The following EPHB2 variants were observed in gnomAD, a reference collection of about 807,000 sequenced individuals.
EPHB2 encodes the protein ephrin type-B receptor 2.
A neutral mutation model predicts 96.4 loss-of-function variants in EPHB2; 18 were observed. The observed-to-expected ratio is 0.19, with a 90% CI of 0.13 to 0.28. The LOEUF (loss-of-function observed/expected upper bound fraction) is 0.28, where lower values mean the gene tolerates loss of function less well. Ranked by LOEUF, EPHB2 falls within the 10% of genes least tolerant of loss-of-function variation. EPHB2 has a pLI of 1.00. For missense variants in EPHB2, 989 were observed against 1,355.4 expected (o/e 0.73, Z 4.25); for synonymous variants, 506 against 534.1 (o/e 0.95, Z 0.72).
rs1208602656 is a variant in EPHB2 at position 22,858,651 on chromosome 1, T to C, written c.812-4386T>C. 6.6e-6 allele frequency among the ~76,000 whole-genome samples: 1 copy of C among 152,034 alleles called. No individual in the cohort carries two copies. Among genetic ancestry groups the C allele is most frequent in the Non-Finnish European group, 1.5e-5 (1 of 67,982 alleles). On this transcript the variant is annotated intron_variant, in intron 3 of 15. Coordinates refer to ENST00000374630, the MANE Select transcript of EPHB2 (RefSeq NM_017449.5). The surrounding 1 kb of genome is among the most constrained non-coding windows in gnomAD (Gnocchi z 7.7). ...GACAGGTTCCCTTCCCACCCAGAAG[T>C]TGGGAGTGGTGTGGCCCCCCGGGCA...
chr1:22,912,461 T>C lies in EPHB2; in HGVS notation c.2714T>C (p.Leu905Pro). Reference protein sequence around the residue: ...PLSSGINLPLLDRTIPDYTSF... With the variant: ...PLSSGINLPLPDRTIPDYTSF... ...AACCCCAGCATCAACCTGCCGCTGC[T>C]GGACCGCACGATCCCCGACTACACC... Residue 905 changes from leucine (L) to proline (P), a missense_variant, in exon 15 of 16, where the codon CTG (leucine) becomes CCG (proline). Coordinates refer to ENST00000374630, the MANE Select transcript of EPHB2 (RefSeq NM_017449.5). 6.2e-7 allele frequency: 1 copy of C among 1,614,078 alleles called. No individual in the cohort carries two copies. The highest frequency in any genetic ancestry group is 8.5e-7 in the Non-Finnish European group (1 of 1,180,020).
Position 22,914,196 on chromosome 1 carries a change from C to T in EPHB2, c.*626C>T. 1 of 259,918 alleles carries T rather than the reference C, an allele frequency of 3.8e-6. No homozygotes were observed. Among genetic ancestry groups the T allele is most frequent in the Non-Finnish European group, 7.3e-6 (1 of 136,494 alleles). The allele number at this position is 259,918 out of a possible 1,614,324, so 16.1% of individuals were successfully genotyped here. On this transcript the variant is annotated 3_prime_UTR_variant, in exon 16 of 16. Coordinates refer to ENST00000374630, the MANE Select transcript of EPHB2 (RefSeq NM_017449.5). Reference sequence around the variant, plus strand: ...ATTTTAGAAACTCCAATGAAAGACACTGTTTCTCCTGTTGGCTCACAGGGC... The same window carrying T: ...ATTTTAGAAACTCCAATGAAAGACATTGTTTCTCCTGTTGGCTCACAGGGC...
chr1:22,863,225 G>T, intron 4 of EPHB2, 33 bp downstream of exon 4: 1 of 1,613,844 alleles, frequency 6.2e-7, no homozygotes, highest in Non-Finnish European at 8.5e-7. Context: ...GGCGATGGCT[G>T]GCCGAGTCCC....
chr1:22,864,939 T>G lies in EPHB2; in HGVS notation c.1030T>G (p.Trp344Gly). Residue 344 changes from tryptophan to glycine, a missense_variant, in exon 5 of 16, where the codon TGG (tryptophan) becomes GGG (glycine). Physicochemically the swap from Trp to Gly is radical, Grantham distance 184. Coordinates refer to ENST00000374630, the MANE Select transcript of EPHB2 (RefSeq NM_017449.5). ...SVNETSLMLE[W>G]TPPRDSGGRE... Reference sequence around the variant, plus strand: ...CAATGAGACCTCCCTCATGCTGGAGTGGACCCCTCCCCGCGACTCCGGAGG... The same window carrying G: ...CAATGAGACCTCCCTCATGCTGGAGGGGACCCCTCCCCGCGACTCCGGAGG... 6.2e-7 allele frequency: 1 copy of G among 1,601,022 alleles called. No individual in the cohort carries two copies. The highest frequency in any genetic ancestry group is 8.5e-7 in the Non-Finnish European group (1 of 1,173,546).
chr1:22,888,775 T>C (rs1639303625), intron 6 of EPHB2, among the ~76,000 whole-genome samples: 1 of 138,390 alleles, frequency 7.2e-6, no homozygotes, highest in African/African-American at 2.5e-5. Context: ...TATTGTTCCA[T>C]TTATTTGGAA....
Position 22,858,888 on chromosome 1 carries a change from A to G in EPHB2, c.812-4149A>G, listed in dbSNP as rs565396290. On this transcript the variant is annotated intron_variant, in intron 3 of 15. Coordinates refer to ENST00000374630, the MANE Select transcript of EPHB2 (RefSeq NM_017449.5). This position sits in a 1 kb window ranked among gnomAD's most constrained non-coding sequence, Gnocchi z 7.7. ...CTTCCAGCCCCTCATTCATCCACCC[A>G]TCACCCACTAGAAACCCAGCATTAT... is the stretch of plus-strand genomic sequence containing the variant. 3.3e-5 allele frequency among the ~76,000 whole-genome samples: 5 copies of G among 152,288 alleles called. No homozygotes were observed. The East Asian group carries it at 9.6e-4, about 29-fold the overall frequency.
intron 3 of EPHB2, among the ~76,000 whole-genome samples, chr1:22,853,211 G>A (rs1645649863): frequency 6.6e-6 from 1 of 152,232 alleles, no homozygotes; most frequent in Non-Finnish European, 1.5e-5. Flanking sequence ...AAATTAGCCG[G>A]GTGTGGTGGC....
chr1:22,844,791 T>C, intron 3 of EPHB2, among the ~76,000 whole-genome samples: 1 of 152,168 alleles, frequency 6.6e-6, no homozygotes, highest in Non-Finnish European at 1.5e-5. Context: ...GCCAGCATCC[T>C]TGGGACCTTG....
chr1:22,887,670 A>G (rs376078934), intron 6 of EPHB2, among the ~76,000 whole-genome samples: 17 of 152,268 alleles, frequency 1.1e-4, no homozygotes, highest in African/African-American at 4.1e-4. Context: ...GCCCCAGGGG[A>G]GGTGGCCTCC....
chr1:22,820,968 A>G (rs183592917), intron 3 of EPHB2, among the ~76,000 whole-genome samples: 95 of 152,348 alleles, frequency 6.2e-4, no homozygotes, highest in African/African-American at 2.2e-3. Flanking sequence ...AACAGAAAAT[A>G]AAAATAATGG....
At chr1:22,817,386 G>A (rs1057352828) in intron 3 of EPHB2, among the ~76,000 whole-genome samples, 17 of 152,204 alleles carry the variant, frequency 1.1e-4, no homozygotes, top group Admixed American at 2.0e-4. Context: ...GTGACTCACC[G>A]AAGGTCACAC....
chr1:22,868,311 T>A (rs1459927067), intron 5 of EPHB2, among the ~76,000 whole-genome samples: 1 of 152,056 alleles, frequency 6.6e-6, no homozygotes, highest in Non-Finnish European at 1.5e-5. Flanking sequence ...AGCACTGGAT[T>A]AGGAGCAGAG....
At chr1:22,876,052 C>T (rs1638826027) in intron 5 of EPHB2, among the ~76,000 whole-genome samples, 1 of 152,078 alleles carries the variant, frequency 6.6e-6, no homozygotes, top group South Asian at 2.1e-4. Context: ...TTGTGGGCCA[C>T]AGTAGTGTGT....
At chr1:22,815,919 C>T (rs922126843) in intron 3 of EPHB2, among the ~76,000 whole-genome samples, 3 of 152,162 alleles carry the variant, frequency 2.0e-5, no homozygotes, top group Non-Finnish European at 2.9e-5. Context: ...CCATGTCCAT[C>T]GGGCATCTGC....
intron 7 of EPHB2, 76 bp downstream of exon 7, chr1:22,893,122 G>A (rs1350266762): frequency 8.1e-6 from 13 of 1,609,786 alleles, no homozygotes; most frequent in African/African-American, 6.7e-5. Context: ...CCATTCTCAT[G>A]AAGCACCTTT....
At chr1:22,740,369 G>A (rs552148948) in intron 1 of EPHB2, among the ~76,000 whole-genome samples, 120 of 152,262 alleles carry the variant, frequency 7.9e-4, no homozygotes, top group African/African-American at 2.6e-3. Context: ...CCCAATCAGG[G>A]TGTTTTCCAC....
At chr1:22,730,412 G>A (rs1643681985) in intron 1 of EPHB2, among the ~76,000 whole-genome samples, 1 of 152,192 alleles carries the variant, frequency 6.6e-6, no homozygotes, top group African/African-American at 2.4e-5. Flanking sequence ...ATGTGGCTGT[G>A]GACAAGTTGC....
chr1:22,805,599 G>A (rs970493160), intron 3 of EPHB2, among the ~76,000 whole-genome samples: 17 of 152,176 alleles, frequency 1.1e-4, no homozygotes, highest in Admixed American at 2.0e-4. Flanking sequence ...ATCAGAGACT[G>A]TGAGCAGCCA....
In EPHB2 at chr1:22,790,386, C is replaced by T. The variant is rs1322808809; in HGVS notation, c.811+5310C>T. On this transcript the variant is annotated intron_variant, in intron 3 of 15. Coordinates refer to ENST00000374630, the MANE Select transcript of EPHB2 (RefSeq NM_017449.5). This position sits in a 1 kb window ranked among gnomAD's most constrained non-coding sequence, Gnocchi z 4.0. ...GACTTCCTTTAGAAGAGCCCTGTTC[C>T]CTCCCCAACCCCAGTCCCCGCTGGG... is the stretch of plus-strand genomic sequence containing the variant. 6.6e-6 allele frequency among the ~76,000 whole-genome samples: 1 copy of T among 152,184 alleles called. No individual in the cohort carries two copies. Among genetic ancestry groups the T allele is most frequent in the Admixed American group, 6.5e-5 (1 of 15,280 alleles).
Sources: gnomAD v4.1 joint callset for allele counts (sites outside exome capture counted in the v4.1 genomes callset) on GRCh38, gnomAD v4.1.1 for gene constraint, Gnocchi (gnomAD v3.1) non-coding constraint, MANE v1.5 for transcripts, NCBI Gene and HGNC (gene_info 2026-07-23, HGNC 2026-07-21) for gene names.